The following PRKCQ variants were observed in gnomAD, a reference collection of about 807,000 sequenced individuals.
PRKCQ encodes the protein protein kinase C theta.
A neutral mutation model predicts 91.2 loss-of-function variants in PRKCQ; 41 were observed. The ratio of observed to expected loss-of-function variants is 0.45; its 90% confidence interval spans 0.35 to 0.58. PRKCQ has a LOEUF of 0.58. PRKCQ is among the 20% of genes least tolerant of loss of function. The pLI is 0.00. For missense variants in PRKCQ, 673 were observed against 896.5 expected (o/e 0.75, Z 3.18); for synonymous variants, 307 against 316.9 (o/e 0.97, Z 0.33).
chr10:6,508,365 A>C (rs770337314), intron 3 of PRKCQ, among the ~76,000 whole-genome samples: 2 of 152,250 alleles, frequency 1.3e-5, no homozygotes, highest in Non-Finnish European at 2.9e-5. Flanking sequence ...GGAGTAACTA[A>C]GAAATAGCAA....
At chr10:6,408,152 T>A in the PRKCQ span, among the ~76,000 whole-genome samples, 1 of 151,520 alleles carries the variant, frequency 6.6e-6, no homozygotes. Flanking sequence ...ATTGGACCTA[T>A]AGTTTTATCT....
chr10:6,421,653 T>C, the PRKCQ span, among the ~76,000 whole-genome samples: 1 of 152,220 alleles, frequency 6.6e-6, no homozygotes, highest in South Asian at 2.1e-4. This position sits in a 1 kb window ranked among gnomAD's most constrained non-coding sequence, Gnocchi z 4.1. Flanking sequence ...ATTTTGTTCA[T>C]GACTTCATTT....
intron 15 of PRKCQ, among the ~76,000 whole-genome samples, chr10:6,447,300 G>A (rs1298281846): frequency 3.3e-5 from 5 of 151,800 alleles, no homozygotes; most frequent in African/African-American, 7.3e-5. Flanking sequence ...CCAGCTACTC[G>A]GGAGGCTGAG....
chr10:6,409,850 GTC>G, the PRKCQ span, among the ~76,000 whole-genome samples: 3 of 152,164 alleles, frequency 2.0e-5, no homozygotes, highest in Non-Finnish European at 4.4e-5. Context: ...CTAAGATAAA[GTC>G]TCTGTGTTCA....
chr10:6,569,986 G>A (rs1840976884), intron 1 of PRKCQ, among the ~76,000 whole-genome samples: 1 of 152,000 alleles, frequency 6.6e-6, no homozygotes, highest in South Asian at 2.1e-4. Flanking sequence ...CACAGGGCGG[G>A]AAAATTGAGG....
chr10:6,434,495 C>T (rs1160951967), intron 16 of PRKCQ, among the ~76,000 whole-genome samples: 1 of 152,226 alleles, frequency 6.6e-6, no homozygotes, highest in Non-Finnish European at 1.5e-5. Context: ...TTCTGCCTTG[C>T]AGCGACTCAA....
At chr10:6,548,066 G>A (rs2130928655) in intron 1 of PRKCQ, among the ~76,000 whole-genome samples, 2 of 152,190 alleles carry the variant, frequency 1.3e-5, no homozygotes, top group East Asian at 3.9e-4. Flanking sequence ...TCAAAAAGTG[G>A]GTGAAGGATA....
chr10:6,546,938 T>G (rs1212993430), intron 1 of PRKCQ, among the ~76,000 whole-genome samples: 1 of 152,244 alleles, frequency 6.6e-6, no homozygotes, highest in African/African-American at 2.4e-5. Flanking sequence ...GTTTTTAGCA[T>G]GAAGCGTTGT....
At chr10:6,420,078 T>C in the PRKCQ span, among the ~76,000 whole-genome samples, 1 of 152,114 alleles carries the variant, frequency 6.6e-6, no homozygotes, top group Non-Finnish European at 1.5e-5. Context: ...AATCTCTGCC[T>C]CCCGGGTTCA....
At chr10:6,472,350 GC>G (rs1451276794) in intron 12 of PRKCQ, among the ~76,000 whole-genome samples, 2 of 152,166 alleles carry the variant, frequency 1.3e-5, no homozygotes, top group Non-Finnish European at 2.9e-5. Context: ...TAGGAAAGAT[GC>G]GGCATTTCAG....
Position 6,497,252 on chromosome 10 carries a change from C to T in PRKCQ, c.543-1G>A. On this transcript the variant is annotated splice_acceptor_variant, in intron 5 of 17. Transcript: ENST00000263125. LOFTEE classifies it high-confidence loss of function. This position sits in a 1 kb window ranked among gnomAD's most constrained non-coding sequence, Gnocchi z 4.5. ...CTGGTAGCCCTGTTTGTTCAGGCCCCTGTAATAAAGCACACGCTGATTTAT... is the reference window on the plus strand; with the variant it reads ...CTGGTAGCCCTGTTTGTTCAGGCCCTTGTAATAAAGCACACGCTGATTTAT... 1.2e-6 allele frequency: 2 copies of T among 1,614,126 alleles called. No homozygotes were observed. The highest frequency in any genetic ancestry group is 1.7e-6 in the Non-Finnish European group (2 of 1,180,010).
chr10:6,403,888 TCA>T, the PRKCQ span, among the ~76,000 whole-genome samples: 1 of 151,986 alleles, frequency 6.6e-6, no homozygotes, highest in Admixed American at 6.6e-5. Flanking sequence ...GTTCCCAAAG[TCA>T]CACACACACT....
intron 16 of PRKCQ, among the ~76,000 whole-genome samples, chr10:6,436,655 A>G (rs1021159716): frequency 6.6e-6 from 1 of 152,134 alleles, no homozygotes; most frequent in Non-Finnish European, 1.5e-5. Context: ...AGTTATATCA[A>G]TGGACTCAGA....
intron 14 of PRKCQ, among the ~76,000 whole-genome samples, chr10:6,458,516 G>A (rs1396092916): frequency 1.3e-5 from 2 of 152,116 alleles, no homozygotes; most frequent in East Asian, 3.9e-4. Flanking sequence ...ATGGCATCAA[G>A]CAGAAGAGAA....
chr10:6,486,847 C>A (rs1336454014), intron 8 of PRKCQ, among the ~76,000 whole-genome samples: 1 of 152,210 alleles, frequency 6.6e-6, no homozygotes, highest in African/African-American at 2.4e-5. Context: ...CAGGAGGCAG[C>A]CTCAGCCTGC....
Position 6,511,141 on chromosome 10 carries a change from T to C in PRKCQ, c.172A>G (p.Ser58Gly). The C allele has an allele frequency of 1.9e-6, 3 of 1,614,166 alleles. No homozygotes were observed. The South Asian group carries it at 3.3e-5, about 18-fold the overall frequency. The change falls in exon 3 of 18, where the codon AGC becomes GGC. Residue 58 changes from serine (S) to glycine (G), a missense_variant. Physicochemically the swap from Ser to Gly is moderately conservative, Grantham distance 56. Transcript: ENST00000263125. The part of the protein sequence containing the change: ...KKPTMYPPWD[S>G]TFDAHINKGR... ...TTGTTGATATGGGCATCAAAAGTGC[T>C]GTCCCAGGGTGGGTACATGGTAGGC... is the stretch of plus-strand genomic sequence containing the variant.
chr10:6,524,750 T>G (rs1331637769), intron 1 of PRKCQ, among the ~76,000 whole-genome samples: 1 of 152,078 alleles, frequency 6.6e-6, no homozygotes, highest in Non-Finnish European at 1.5e-5. Context: ...GAAAAGTGGG[T>G]GAGGAGGGAG....
At chr10:6,451,987 A>G (rs1311645899) in intron 15 of PRKCQ, among the ~76,000 whole-genome samples, 3 of 152,110 alleles carry the variant, frequency 2.0e-5, no homozygotes, top group Admixed American at 6.6e-5. Flanking sequence ...ATGGGCAAAA[A>G]CTGGAAGCAT....
chr10:6,560,657 T>C (rs753670295), intron 1 of PRKCQ, among the ~76,000 whole-genome samples: 2 of 152,256 alleles, frequency 1.3e-5, no homozygotes, highest in Non-Finnish European at 2.9e-5. Context: ...TGAAAATGTG[T>C]CTATTTGGTC....
Sources: gnomAD v4.1 joint callset for allele counts (sites outside exome capture counted in the v4.1 genomes callset) on GRCh38, gnomAD v4.1.1 for gene constraint, Gnocchi (gnomAD v3.1) non-coding constraint, MANE v1.5 for transcripts, NCBI Gene and HGNC (gene_info 2026-07-23, HGNC 2026-07-21) for gene names.